SEMA3D: variants seen among roughly 807,000 people sequenced by gnomAD.
SEMA3D encodes the protein semaphorin 3D, also known as semaphorin-3D.
SEMA3D carries 84 observed loss-of-function variants against 100.1 expected under a neutral mutation model. The ratio of observed to expected loss-of-function variants is 0.84; its 90% CI spans 0.70 to 1.01. The LOEUF (loss-of-function observed/expected upper bound fraction) is 1.01. SEMA3D is among the 50% of genes least tolerant of loss of function. The pLI is 0.00. For missense variants in SEMA3D, 875 were observed against 934.1 expected, an observed-to-expected ratio of 0.94 and a Z score of 0.82; for synonymous variants, 312 against 320.7, an observed-to-expected ratio of 0.97 and a Z score of 0.29.
chr7:85,219,528 A>T, the SEMA3D span, among the ~76,000 whole-genome samples: 1 of 152,028 alleles, frequency 6.6e-6, no homozygotes, highest in Non-Finnish European at 1.5e-5. Flanking sequence ...ATTTCAACTT[A>T]CTTTATAAAT....
intron 3 of SEMA3D, among the ~76,000 whole-genome samples, chr7:85,115,809 C>G (rs1389989070): frequency 3.9e-5 from 6 of 152,040 alleles, no homozygotes; most frequent in African/African-American, 1.4e-4. Flanking sequence ...CAACTGTTAT[C>G]ATATTTTTAA....
chr7:85,150,288 A>T (rs1366684706), intron 2 of SEMA3D, among the ~76,000 whole-genome samples: 1 of 148,448 alleles, frequency 6.7e-6, no homozygotes, highest in East Asian at 2.0e-4. Flanking sequence ...TTGAGCTGTT[A>T]CGGTACTAAG....
At chr7:85,058,529 C>A (rs904829254) in intron 8 of SEMA3D, among the ~76,000 whole-genome samples, 2 of 151,926 alleles carry the variant, frequency 1.3e-5, no homozygotes, top group Non-Finnish European at 1.5e-5. Flanking sequence ...CGGCAGATCA[C>A]GAGGTAAAGA....
At chr7:85,051,388 A>G (rs1791160879) in intron 9 of SEMA3D, among the ~76,000 whole-genome samples, 1 of 151,926 alleles carries the variant, frequency 6.6e-6, no homozygotes, top group Admixed American at 6.6e-5. Flanking sequence ...ATTTTTGACA[A>G]CTGCTTTCTT....
intron 1 of SEMA3D, among the ~76,000 whole-genome samples, chr7:85,184,434 A>G (rs1791485638): frequency 6.6e-6 from 1 of 152,128 alleles, no homozygotes; most frequent in African/African-American, 2.4e-5. Flanking sequence ...ACGGTTCTTC[A>G]TTAAGAACAT....
intron 3 of SEMA3D, among the ~76,000 whole-genome samples, chr7:85,104,181 G>C (rs1289052389): frequency 6.6e-6 from 1 of 151,964 alleles, no homozygotes; most frequent in African/African-American, 2.4e-5. Flanking sequence ...AGAATACCAG[G>C]TATCTGCACA....
chr7:85,194,973 T>A, the SEMA3D span, among the ~76,000 whole-genome samples: 1 of 152,096 alleles, frequency 6.6e-6, no homozygotes, highest in Admixed American at 6.6e-5. Flanking sequence ...TATATCCAAA[T>A]ACAGTCACAT....
At chr7:85,111,219 T>C (rs1053538470) in intron 3 of SEMA3D, among the ~76,000 whole-genome samples, 2 of 152,006 alleles carry the variant, frequency 1.3e-5, no homozygotes, top group African/African-American at 4.8e-5. Flanking sequence ...CTTGTAGATT[T>C]AAAAATTTCT....
intron 3 of SEMA3D, among the ~76,000 whole-genome samples, chr7:85,109,648 T>G (rs995269031): frequency 8.6e-5 from 13 of 151,990 alleles, no homozygotes; most frequent in African/African-American, 3.1e-4. Flanking sequence ...AAATGCAAAC[T>G]GTATATTACT....
chr7:85,093,065 T>C (rs189878144), intron 4 of SEMA3D, among the ~76,000 whole-genome samples: 88 of 152,192 alleles, frequency 5.8e-4, no homozygotes, highest in African/African-American at 2.0e-3. Context: ...AGGCAATATA[T>C]ATACCTCTTT....
At chr7:85,071,530 A>C (rs1272251244) in intron 6 of SEMA3D, among the ~76,000 whole-genome samples, 1 of 152,236 alleles carries the variant, frequency 6.6e-6, no homozygotes, top group East Asian at 1.9e-4. Context: ...ACAGTCATGC[A>C]TCACTTAAAG....
At chr7:85,202,610 T>C in the SEMA3D span, among the ~76,000 whole-genome samples, 2 of 151,966 alleles carry the variant, frequency 1.3e-5, no homozygotes, top group South Asian at 4.2e-4. Flanking sequence ...AGGGCTGATA[T>C]CCAGAATCTA....
At chr7:85,020,147 G>T in intron 14 of SEMA3D, 86 bp downstream of exon 14, 1 of 830,174 alleles carries the variant, frequency 1.2e-6, no homozygotes, top group Non-Finnish European at 2.0e-6. Flanking sequence ...CAGGTAACCT[G>T]ATGATGTATT....
the SEMA3D span, among the ~76,000 whole-genome samples, chr7:85,237,611 T>C: frequency 6.6e-6 from 1 of 152,224 alleles, no homozygotes; most frequent in Admixed American, 6.5e-5. Flanking sequence ...CATGGCTTGA[T>C]AGCTAATTTC....
intron 2 of SEMA3D, chr7:85,142,986 A>G: frequency 1.0e-6 from 1 of 982,262 alleles, no homozygotes; most frequent in Non-Finnish European, 1.2e-6. Flanking sequence ...ACCTTAGACA[A>G]CTTACTAAAC....
intron 3 of SEMA3D, 105 bp from the exon 4 acceptor site, chr7:85,098,070 G>C: frequency 1.8e-6 from 1 of 553,252 alleles, no homozygotes; most frequent in South Asian, 6.4e-5. Flanking sequence ...GAGAGAAAAG[G>C]AAAGAAAAAG....
At chr7:85,059,750 T>G (rs992129523) in intron 8 of SEMA3D, among the ~76,000 whole-genome samples, 3 of 152,166 alleles carry the variant, frequency 2.0e-5, no homozygotes, top group Non-Finnish European at 2.9e-5. Flanking sequence ...ATGAGCTGAT[T>G]GTTGTTCACT....
At chr7:85,100,279 A>G (rs1788706181) in intron 3 of SEMA3D, among the ~76,000 whole-genome samples, 2 of 151,582 alleles carry the variant, frequency 1.3e-5, no homozygotes, top group Admixed American at 1.3e-4. Context: ...AGCAAAGTTG[A>G]TAATTGAATT....
chr7:85,147,755 T>C (rs1023516054), intron 2 of SEMA3D, among the ~76,000 whole-genome samples: 3 of 152,184 alleles, frequency 2.0e-5, no homozygotes, highest in African/African-American at 7.2e-5. Flanking sequence ...TGCTAATTTA[T>C]TGTTTTCTGA....
Sources: allele counts gnomAD v4.1 joint callset (sites outside exome capture counted in the v4.1 genomes callset), GRCh38; gene constraint gnomAD v4.1.1; transcripts MANE v1.5; gene names NCBI Gene and HGNC (gene_info 2026-07-23, HGNC 2026-07-21).